The following ZNF804B variants were observed in gnomAD, a reference collection of about 807,000 sequenced individuals.
The protein encoded by ZNF804B is zinc finger protein 804B, also known as zinc finger 804B.
A neutral mutation model predicts 101.4 loss-of-function variants in ZNF804B; 80 were observed. The observed-to-expected ratio is 0.79, with a 90% CI of 0.66 to 0.95. The LOEUF (loss-of-function observed/expected upper bound fraction) is 0.95. Ranked by LOEUF, ZNF804B falls within the 40% of genes least tolerant of loss-of-function variation. The pLI is 0.00. For synonymous variants in ZNF804B, 622 were observed against 558.8 expected, an observed-to-expected ratio of 1.11 and a Z score of -1.59; for missense variants, 1,673 against 1,561.9, an observed-to-expected ratio of 1.07 and a Z score of -1.20.
rs535141217 is a variant in ZNF804B, at chr7:89,337,517, A to G, written c.*485A>G. 2.2e-4 allele frequency among the ~76,000 whole-genome samples: 34 copies of G among 152,286 alleles called. No homozygotes were observed. Among genetic ancestry groups the G allele is most frequent in the Middle Eastern group, 3.4e-3 (1 of 294 alleles). On this transcript the variant is annotated 3_prime_UTR_variant, in exon 4 of 4. Coordinates refer to ENST00000333190, the MANE Select transcript of ZNF804B (RefSeq NM_181646.5). ...TCGTTAACTATTGACTAAGTTTTCAATTAATGTAGTCTGTTACTGTATTTT... is the reference window on the plus strand; with the variant it reads ...TCGTTAACTATTGACTAAGTTTTCAGTTAATGTAGTCTGTTACTGTATTTT...
intron 2 of ZNF804B, among the ~76,000 whole-genome samples, chr7:89,251,646 A>G (rs908838551): frequency 5.3e-5 from 8 of 151,964 alleles, no homozygotes; most frequent in Non-Finnish European, 8.8e-5. Context: ...TCTTCAAACC[A>G]TACCATAAGG....
chr7:89,010,865 G>A (rs567379410), intron 1 of ZNF804B, among the ~76,000 whole-genome samples: 1 of 152,268 alleles, frequency 6.6e-6, no homozygotes, highest in South Asian at 2.1e-4. Flanking sequence ...AAATCCTAGA[G>A]TTTGATTGCT....
chr7:89,213,171 T>G (rs938327651), intron 1 of ZNF804B, among the ~76,000 whole-genome samples: 4 of 152,100 alleles, frequency 2.6e-5, no homozygotes, highest in African/African-American at 7.2e-5. Context: ...CCAAAGCAAG[T>G]TTTCTGTTAT....
chr7:89,215,456 A>G (rs1788874750), intron 1 of ZNF804B, among the ~76,000 whole-genome samples: 1 of 152,052 alleles, frequency 6.6e-6, no homozygotes, highest in Non-Finnish European at 1.5e-5. Flanking sequence ...TTAGCCTCAA[A>G]TCTATCCTGA....
At chr7:89,172,071 A>G (rs1399243791) in intron 1 of ZNF804B, among the ~76,000 whole-genome samples, 1 of 152,264 alleles carries the variant, frequency 6.6e-6, no homozygotes, top group East Asian at 1.9e-4. Flanking sequence ...CCTGTAGCTG[A>G]AAGGGCACTT....
rs534905310 is a variant in ZNF804B at position 89,160,901 on chromosome 7, T to G, written c.109-57254T>G. 2.6e-5 allele frequency among the ~76,000 whole-genome samples: 4 copies of G among 152,296 alleles called. No individual in the cohort carries two copies. The East Asian group carries it at 7.7e-4, about 29-fold the overall frequency. On this transcript the variant is annotated intron_variant, in intron 1 of 3. Transcript: ENST00000333190. ...AGAAATGGAATTAACAAGCTGAAAT[T>G]CACATAGCTGATAAGTAGCAGAATT...
chr7:89,182,930 G>T (rs1163371515), intron 1 of ZNF804B, among the ~76,000 whole-genome samples: 2 of 152,150 alleles, frequency 1.3e-5, no homozygotes, highest in Non-Finnish European at 2.9e-5. Flanking sequence ...ATACTGGAAT[G>T]AATGCATTAT....
At chr7:88,969,069 G>A (rs577778211) in intron 1 of ZNF804B, among the ~76,000 whole-genome samples, 1 of 151,402 alleles carries the variant, frequency 6.6e-6, no homozygotes, top group Admixed American at 6.6e-5. Context: ...CCTTTATCCA[G>A]GTTAGAAAGT....
At chr7:89,064,101 G>A (rs1789416877) in intron 1 of ZNF804B, among the ~76,000 whole-genome samples, 1 of 152,098 alleles carries the variant, frequency 6.6e-6, no homozygotes, top group Non-Finnish European at 1.5e-5. Flanking sequence ...TGGGCAGAGG[G>A]AGAGGTCAAG....
At chr7:89,228,858 C>G (rs561816079) in intron 2 of ZNF804B, among the ~76,000 whole-genome samples, 236 of 152,210 alleles carry the variant, frequency 1.6e-3, no homozygotes, top group African/African-American at 5.5e-3. Context: ...CAGGGGCGCA[C>G]GGAGCAGGTA....
intron 2 of ZNF804B, among the ~76,000 whole-genome samples, chr7:89,228,489 T>C (rs1181039541): frequency 1.3e-5 from 2 of 151,384 alleles, no homozygotes; most frequent in Non-Finnish European, 3.0e-5. Context: ...AGATACAGAG[T>C]GTCCACACAA....
chr7:88,827,578 T>C (rs1468766661), intron 1 of ZNF804B, among the ~76,000 whole-genome samples: 2 of 152,118 alleles, frequency 1.3e-5, no homozygotes, highest in Non-Finnish European at 2.9e-5. Context: ...TCATTTGGGC[T>C]CTAGGTGCAC....
At chr7:89,266,581 A>T (rs926955579) in intron 2 of ZNF804B, among the ~76,000 whole-genome samples, 4 of 152,166 alleles carry the variant, frequency 2.6e-5, no homozygotes, top group African/African-American at 9.7e-5. Flanking sequence ...AGTAATTCCA[A>T]AGTTCCTCTT....
intron 1 of ZNF804B, among the ~76,000 whole-genome samples, chr7:88,766,901 T>TC (rs1789992917): frequency 6.6e-6 from 1 of 150,602 alleles, no homozygotes; most frequent in Non-Finnish European, 1.5e-5. Context: ...CTGCCAGTTT[T>TC]CTTTTTTTCT....
chr7:89,291,792 C>T, intron 2 of ZNF804B, among the ~76,000 whole-genome samples: 1 of 151,902 alleles, frequency 6.6e-6, no homozygotes, highest in Non-Finnish European at 1.5e-5. Flanking sequence ...TTATACAATA[C>T]CAAACAGGTT....
At chr7:88,957,544 TCTA>T (rs1793328233) in intron 1 of ZNF804B, among the ~76,000 whole-genome samples, 3 of 151,470 alleles carry the variant, frequency 2.0e-5, no homozygotes, top group Admixed American at 1.3e-4. Flanking sequence ...ATATTCAAGG[TCTA>T]TAATAAGTAG....
chr7:88,885,420 G>A (rs1792111224), intron 1 of ZNF804B, among the ~76,000 whole-genome samples: 1 of 150,764 alleles, frequency 6.6e-6, no homozygotes, highest in African/African-American at 2.4e-5. Flanking sequence ...ATCTGATTTT[G>A]GCTAAACAAT....
intron 1 of ZNF804B, among the ~76,000 whole-genome samples, chr7:89,172,932 G>C (rs1447079217): frequency 1.3e-5 from 2 of 152,094 alleles, no homozygotes; most frequent in East Asian, 1.9e-4. Flanking sequence ...ACAGTGCTTG[G>C]TGAAAACGCA....
At chr7:89,264,495 T>G (rs1789755393) in intron 2 of ZNF804B, among the ~76,000 whole-genome samples, 1 of 152,182 alleles carries the variant, frequency 6.6e-6, no homozygotes, top group African/African-American at 2.4e-5. Flanking sequence ...GCCCTCACTT[T>G]GATATTTGAC....
Sources: gnomAD v4.1 joint callset for allele counts (sites outside exome capture counted in the v4.1 genomes callset) on GRCh38, gnomAD v4.1.1 for gene constraint, MANE v1.5 for transcripts, NCBI Gene and HGNC (gene_info 2026-07-23, HGNC 2026-07-21) for gene names.